The following ERBB4 variants were observed in gnomAD, a reference collection of about 807,000 sequenced individuals.
The protein encoded by ERBB4 is receptor tyrosine-protein kinase erbB-4.
A neutral mutation model predicts 158.0 loss-of-function variants in ERBB4; 42 were observed. That is an observed-to-expected ratio of 0.27 (90% CI 0.21 to 0.34). ERBB4 has a LOEUF of 0.34. Ranked by LOEUF, ERBB4 falls within the 10% of genes least tolerant of loss-of-function variation. The pLI is 1.00. For synonymous variants in ERBB4, 583 were observed against 558.7 expected, an observed-to-expected ratio of 1.04 and a Z score of -0.61; for missense variants, 1,333 against 1,624.1, an observed-to-expected ratio of 0.82 and a Z score of 3.08.
chr2:211,581,628 G>A (rs991089068), intron 19 of ERBB4, among the ~76,000 whole-genome samples: 2 of 152,102 alleles, frequency 1.3e-5, no homozygotes, highest in East Asian at 3.9e-4. Flanking sequence ...TTGCTTCTAG[G>A]CACTGCTCTT....
At chr2:211,764,263 A>G (rs1306329853) in intron 4 of ERBB4, among the ~76,000 whole-genome samples, 1 of 152,208 alleles carries the variant, frequency 6.6e-6, no homozygotes, top group Admixed American at 6.5e-5. Flanking sequence ...TTATTTATAG[A>G]AAAAAGATAA....
rs1559293620 is a variant in ERBB4 at position 212,003,198 on chromosome 2, A to AAAGAAAGAAAGG, written c.235-55583_235-55582insCCTTTCTTTCTT. On this transcript the variant is annotated intron_variant, in intron 2 of 27. Coordinates refer to ENST00000342788, the MANE Select transcript of ERBB4 (RefSeq NM_005235.3). ...GAAAGAAAGAAAGAAAGAAAGAAAG[A>AAAGAAAGAAAGG]AAGAAAGACAGAAAGAAGGAAGGAA... Among the ~76,000 whole-genome samples, 192 of 58,744 alleles carry AAAGAAAGAAAGG rather than the reference A, an allele frequency of 3.3e-3. 19 individuals are homozygous for AAAGAAAGAAAGG. The East Asian group carries it at 0.051, about 16-fold the overall frequency. The allele number at this position is 58,744 out of a possible 152,430, so 38.5% of individuals were successfully genotyped here.
intron 20 of ERBB4, among the ~76,000 whole-genome samples, chr2:211,446,742 T>C (rs1485139001): frequency 6.6e-6 from 1 of 152,110 alleles, no homozygotes; most frequent in Non-Finnish European, 1.5e-5. Context: ...GATAAAAAAG[T>C]GTATTCTAAA....
chr2:211,828,742 C>T (rs1201537863), intron 3 of ERBB4, among the ~76,000 whole-genome samples: 1 of 152,072 alleles, frequency 6.6e-6, no homozygotes, highest in Non-Finnish European at 1.5e-5. Flanking sequence ...GATTGGGAGT[C>T]CTTCCCACGG....
intron 1 of ERBB4, among the ~76,000 whole-genome samples, chr2:212,240,666 A>AAAAAAC (rs2084065587): frequency 6.9e-6 from 1 of 144,968 alleles, no homozygotes; most frequent in Non-Finnish European, 1.5e-5. Flanking sequence ...AAAAAAAAAA[A>AAAAAAC]ACAGAAAAAA....
chr2:212,486,191 A>G (rs1385731239), intron 1 of ERBB4, among the ~76,000 whole-genome samples: 3 of 152,142 alleles, frequency 2.0e-5, no homozygotes, highest in Non-Finnish European at 4.4e-5. Context: ...TAATAAAGAG[A>G]TAAAAACAAA....
chr2:212,495,592 A>G (rs956175500), intron 1 of ERBB4, among the ~76,000 whole-genome samples: 2 of 152,204 alleles, frequency 1.3e-5, no homozygotes, highest in Non-Finnish European at 2.9e-5. Context: ...CTTGGCCCCA[A>G]TAGAAATGTA....
intron 8 of ERBB4, 27 bp downstream of exon 8, chr2:211,713,508 A>T: frequency 7.3e-7 from 1 of 1,369,946 alleles, no homozygotes; most frequent in Non-Finnish European, 1.0e-6. Context: ...GCCCAGTTCT[A>T]ACTAAATAAT....
chr2:211,977,529 T>C (rs1347962747), intron 2 of ERBB4, among the ~76,000 whole-genome samples: 2 of 2,432 alleles, frequency 8.2e-4, no homozygotes, highest in East Asian at 0.17. Context: ...AGATATTGAC[T>C]TTAAAAAAAA....
intron 20 of ERBB4, among the ~76,000 whole-genome samples, chr2:211,447,126 C>A (rs1311076500): frequency 6.6e-6 from 1 of 152,114 alleles, no homozygotes; most frequent in African/African-American, 2.4e-5. Flanking sequence ...TTATTTGAAT[C>A]ATAACTTCTA....
chr2:212,092,406 GTTTTT>G (rs1182792976), intron 2 of ERBB4, among the ~76,000 whole-genome samples: 4 of 152,248 alleles, frequency 2.6e-5, no homozygotes, highest in East Asian at 3.9e-4. Context: ...TTATACCAGT[GTTTTT>G]ATTTTTAGAG....
chr2:212,151,083 G>T (rs1201999643), intron 1 of ERBB4, among the ~76,000 whole-genome samples: 1 of 151,774 alleles, frequency 6.6e-6, no homozygotes, highest in Non-Finnish European at 1.5e-5. Context: ...AATGAAAATG[G>T]AATATTTTAT....
At chr2:211,584,453 C>G (rs1374492078) in intron 19 of ERBB4, among the ~76,000 whole-genome samples, 2 of 152,062 alleles carry the variant, frequency 1.3e-5, no homozygotes, top group Non-Finnish European at 2.9e-5. Context: ...TGACATTTTT[C>G]AATCCAGATG....
chr2:211,928,969 C>T (rs932006984), intron 3 of ERBB4, among the ~76,000 whole-genome samples: 2 of 152,106 alleles, frequency 1.3e-5, no homozygotes, highest in Non-Finnish European at 2.9e-5. Flanking sequence ...ATTTTAATTA[C>T]TCCCATTTAG....
At chr2:211,434,764 C>T (rs1044970887) in intron 20 of ERBB4, among the ~76,000 whole-genome samples, 1 of 152,166 alleles carries the variant, frequency 6.6e-6, no homozygotes, top group African/African-American at 2.4e-5. Flanking sequence ...GTGACAGTCT[C>T]TAGACAGTTT....
chr2:212,023,727 AG>A (rs2076710057), intron 2 of ERBB4, among the ~76,000 whole-genome samples: 2 of 151,886 alleles, frequency 1.3e-5, no homozygotes, highest in South Asian at 2.1e-4. Context: ...GAAAAAAAAA[AG>A]AAAACAATTT....
chr2:211,920,711 C>CAT (rs1436018220), intron 3 of ERBB4, among the ~76,000 whole-genome samples: 40 of 141,746 alleles, frequency 2.8e-4, no homozygotes, highest in Non-Finnish European at 5.1e-4. Flanking sequence ...AGAGCTGTGA[C>CAT]TTTTTTTTTT....
intron 3 of ERBB4, among the ~76,000 whole-genome samples, chr2:211,821,026 C>A (rs555552746): frequency 1.3e-5 from 2 of 151,730 alleles, no homozygotes; most frequent in African/African-American, 2.4e-5. Flanking sequence ...ATATTCAACA[C>A]AGTAATAGAA....
chr2:211,510,219 A>G (rs762002670), intron 20 of ERBB4, among the ~76,000 whole-genome samples: 6 of 152,168 alleles, frequency 3.9e-5, no homozygotes, highest in Non-Finnish European at 8.8e-5. Flanking sequence ...GATAAAGAAA[A>G]TAAGTACCAC....
Sources: allele counts gnomAD v4.1 joint callset (sites outside exome capture counted in the v4.1 genomes callset), GRCh38; gene constraint gnomAD v4.1.1; transcripts MANE v1.5; gene names NCBI Gene and HGNC (gene_info 2026-07-23, HGNC 2026-07-21).